The following MGAT1 variants were observed in gnomAD, a reference collection of about 807,000 sequenced individuals.
MGAT1 encodes N-glycosyl-oligosaccharide-glycoprotein N-acetylglucosaminyltransferase I.
Under a neutral mutation model 31.7 loss-of-function variants are expected in MGAT1, and 14 were observed. The ratio of observed to expected loss-of-function variants is 0.44; its 90% CI spans 0.29 to 0.69. MGAT1 has a LOEUF of 0.69. Ranked by LOEUF, MGAT1 falls within the 30% of genes least tolerant of loss-of-function variation. MGAT1 has a pLI of 0.12. For synonymous variants in MGAT1, 338 were observed against 276.0 expected (o/e 1.22, Z -2.23); for missense variants, 557 against 626.0 (o/e 0.89, Z 1.18).
chr5:180,810,153 C>A (rs1186605516), intron 1 of MGAT1: 3 of 150,338 alleles, frequency 2.0e-5, no homozygotes, highest in Non-Finnish European at 4.5e-5. Context: ...CGACCCCCAG[C>A]GGCCCGGCCC....
chr5:180,806,457 G>T (rs373842012), upstream of MGAT1, among the ~76,000 whole-genome samples: 36 of 152,340 alleles, frequency 2.4e-4, no homozygotes, highest in African/African-American at 8.2e-4. Context: ...AGGGTGGGAA[G>T]GTCAGGGAGA....
chr5:180,804,076 C>A (rs528733143), upstream of MGAT1, among the ~76,000 whole-genome samples: 4 of 152,238 alleles, frequency 2.6e-5, no homozygotes, highest in Non-Finnish European at 4.4e-5. Flanking sequence ...CAGGCCCCTG[C>A]GTGGAGGCGA....
intron 1 of MGAT1, chr5:180,810,285 G>C (rs1772417744): frequency 6.6e-6 from 1 of 152,266 alleles, no homozygotes; most frequent in Non-Finnish European, 1.5e-5. Context: ...AACGTCCCCA[G>C]CCCGTCACCA....
At chr5:180,794,741 G>C (rs906138960) in intron 1 of MGAT1, among the ~76,000 whole-genome samples, 1 of 152,104 alleles carries the variant, frequency 6.6e-6, no homozygotes, top group Non-Finnish European at 1.5e-5. Context: ...AGGGGGGCAG[G>C]GGCAGATCCT....
intron 1 of MGAT1, 98 bp from the exon 2 acceptor site, chr5:180,793,195 G>C: frequency 5.0e-6 from 3 of 601,854 alleles, no homozygotes; most frequent in East Asian, 5.8e-5. Context: ...CCAAGAGTGA[G>C]GGTGGAGGAA....
chr5:180,799,635 G>A (rs371851949), intron 1 of MGAT1, among the ~76,000 whole-genome samples: 13 of 152,196 alleles, frequency 8.5e-5, no homozygotes, highest in African/African-American at 1.9e-4. Flanking sequence ...CACTATTACC[G>A]AAATCAGGGA....
At chr5:180,799,723 G>A (rs1037725469) in intron 1 of MGAT1, among the ~76,000 whole-genome samples, 3 of 152,180 alleles carry the variant, frequency 2.0e-5, no homozygotes, top group African/African-American at 2.4e-5. Flanking sequence ...CATTCCATAT[G>A]CTCTTCTTAC....
chr5:180,806,867 C>T (rs540343993), upstream of MGAT1, among the ~76,000 whole-genome samples: 13 of 152,218 alleles, frequency 8.5e-5, no homozygotes, highest in South Asian at 2.7e-3. Context: ...ATCACTGTGA[C>T]CCCTGTGTCT....
rs567736457 is a variant in MGAT1, at chr5:180,792,546, G to A, written c.426C>T (p.Asp142=). 1.6e-4 allele frequency: 252 copies of A among 1,612,960 alleles called. 4 individuals carry two copies. In the South Asian group the frequency reaches 2.7e-3, roughly 17 times the overall value. Residue 142 remains aspartate (D), a synonymous_variant, in exon 2 of 2, where the codon GAC becomes GAT. Coordinates refer to ENST00000307826, the MANE Select transcript of MGAT1 (RefSeq NM_002406.4). ...CCTGGGCCGTCTCCTCGTGCCCGCA[G>A]TCCTGGCTAACGATGATGGGGAAGA... ...AELFPIIVSQ[D]CGHEETAQAI...
In MGAT1 at chr5:180,792,704, C is replaced by T; in HGVS notation, c.268G>A (p.Ala90Thr). The T allele has an allele frequency of 6.5e-7, 1 of 1,550,284 alleles. No individual in the cohort carries two copies. Among genetic ancestry groups the T allele is most frequent in the South Asian group, 1.2e-5 (1 of 82,550 alleles). Residue 90 changes from alanine to threonine, a missense_variant, in exon 2 of 2, where the codon GCC becomes ACC. Ala to Thr is a moderately conservative substitution (Grantham distance 58). This residue lies in a region of MGAT1 where 167 missense variants were observed against 149.8 expected (regional missense o/e 1.11). Coordinates refer to ENST00000307826, the MANE Select transcript of MGAT1 (RefSeq NM_002406.4). Reference protein sequence around the residue: ...SSQRGRVPTAAPPAQPRVPVT... With the variant: ...SSQRGRVPTATPPAQPRVPVT... ...GGCACACGCGGCTGGGCGGGAGGGG[C>T]CGCGGTGGGCACCCTCCCCCGCTGG...
At chr5:180,800,778 A>C (rs1005608516) in intron 1 of MGAT1, among the ~76,000 whole-genome samples, 1 of 152,230 alleles carries the variant, frequency 6.6e-6, no homozygotes, top group Non-Finnish European at 1.5e-5. Context: ...TACATGTGGA[A>C]GGGGATACTT....
upstream of MGAT1, among the ~76,000 whole-genome samples, chr5:180,804,344 G>A (rs1373740799): frequency 3.3e-5 from 5 of 152,230 alleles, no homozygotes; most frequent in Non-Finnish European, 1.5e-5. Context: ...ATCCTCCAGC[G>A]CCAGTGCTTT....
chr5:180,793,593 A>T (rs1339895421), intron 1 of MGAT1, among the ~76,000 whole-genome samples: 1 of 152,338 alleles, frequency 6.6e-6, no homozygotes, highest in African/African-American at 2.4e-5. Flanking sequence ...GAAGCAGCCA[A>T]TGCAAATGAA....
At position 180,793,002 on chromosome 5, in the gene MGAT1, G is replaced by C; in HGVS notation, c.-31C>G. On this transcript the variant is annotated 5_prime_UTR_variant, in exon 2 of 2. Transcript: ENST00000307826. The stretch of plus-strand genomic sequence containing the variant: ...CCCCCACCGGGGAGGGCAGGCCAGG[G>C]GACGGTTCAAGGCTGCCCTGGGCTT... 6.2e-7 allele frequency: 1 copy of C among 1,610,812 alleles called. No homozygotes were observed. The highest frequency in any genetic ancestry group is 1.1e-5 in the South Asian group (1 of 90,566).
upstream of MGAT1, among the ~76,000 whole-genome samples, chr5:180,807,307 A>G (rs1178692541): frequency 3.3e-5 from 5 of 152,192 alleles, no homozygotes; most frequent in African/African-American, 9.7e-5. Flanking sequence ...ACTGTCTCTC[A>G]AAATTCCCAA....
chr5:180,793,004 A>T lies in MGAT1; in HGVS notation c.-33T>A, dbSNP rs1215548124. On this transcript the variant is annotated 5_prime_UTR_variant, in exon 2 of 2. Transcript: ENST00000307826. ...CCCACCGGGGAGGGCAGGCCAGGGG[A>T]CGGTTCAAGGCTGCCCTGGGCTTGC... 1 of 1,610,394 alleles carries T rather than the reference A, an allele frequency of 6.2e-7. No homozygotes were observed. Among genetic ancestry groups the T allele is most frequent in the Non-Finnish European group, 8.5e-7 (1 of 1,179,134 alleles).
At chr5:180,805,184 T>C (rs1351532000), upstream of MGAT1, among the ~76,000 whole-genome samples, 1 of 150,646 alleles carries the variant, frequency 6.6e-6, no homozygotes, top group East Asian at 2.0e-4. Flanking sequence ...GATTGGATTA[T>C]GTGCAAAAGG....
chr5:180,815,431 A>C (rs1469008395), exon 1 of MGAT1: 1 of 152,602 alleles, frequency 6.6e-6, no homozygotes, highest in African/African-American at 2.4e-5. Flanking sequence ...TCACGTGTCC[A>C]AAGTGAAATT....
upstream of MGAT1, chr5:180,803,661 G>A (rs3806866): frequency 0.12 from 18,860 of 152,256 alleles, 1,239 homozygotes; most frequent in East Asian, 0.25. Flanking sequence ...AAGACCAGGG[G>A]CTCCAGCGCA....
Sources: allele counts gnomAD v4.1 joint callset (sites outside exome capture counted in the v4.1 genomes callset), GRCh38; gene constraint gnomAD v4.1.1; regional missense constraint gnomAD v4.1.1; transcripts MANE v1.5; gene names NCBI Gene and HGNC (gene_info 2026-07-23, HGNC 2026-07-21).